The following WDFY2 variants were observed in gnomAD, a reference collection of about 807,000 sequenced individuals.
WDFY2 encodes WD repeat and FYVE domain-containing protein 2.
A neutral mutation model predicts 56.4 loss-of-function variants in WDFY2; 36 were observed. The observed-to-expected ratio is 0.64, with a 90% CI of 0.49 to 0.84. The LOEUF is 0.84. Ranked by LOEUF, WDFY2 falls within the 40% of genes least tolerant of loss-of-function variation. WDFY2 has a pLI of 0.00. For synonymous variants in WDFY2, 176 were observed against 183.7 expected, an observed-to-expected ratio of 0.96 and a Z score of 0.34; for missense variants, 444 against 512.2, an observed-to-expected ratio of 0.87 and a Z score of 1.29.
Position 51,767,083 on chromosome 13 carries a change from T to C in WDFY2, c.*7314T>C, listed in dbSNP as rs1431534913. 1.3e-5 allele frequency: 2 copies of C among 152,238 alleles called. No individual in the cohort carries two copies. The highest frequency in any genetic ancestry group is 4.8e-5 in the African/African-American group (2 of 41,464). The allele number at this position is 152,238 out of a possible 1,614,324, so 9.4% of individuals were successfully genotyped here. On this transcript the variant is annotated 3_prime_UTR_variant, in exon 12 of 12. Transcript: ENST00000298125. Reference sequence around the variant, plus strand: ...ACTTTTCCAGTGAGGAGAAATGACTTCGGGGCAAACACTGCCAGGGAAAGC... The same window carrying C: ...ACTTTTCCAGTGAGGAGAAATGACTCCGGGGCAAACACTGCCAGGGAAAGC...
chr13:51,670,759 A>G (rs575702528), intron 2 of WDFY2, among the ~76,000 whole-genome samples: 1 of 152,110 alleles, frequency 6.6e-6, no homozygotes, highest in African/African-American at 2.4e-5. Flanking sequence ...TTTTTGGGGA[A>G]CAGGTGGTGC....
chr13:51,759,380 T>C (rs1349685429), intron 11 of WDFY2, among the ~76,000 whole-genome samples: 1 of 152,238 alleles, frequency 6.6e-6, no homozygotes, highest in Admixed American at 6.5e-5. Context: ...GTCGCTTTCA[T>C]GTTGGCTCAT....
chr13:51,610,811 C>A (rs1022352015), intron 1 of WDFY2, among the ~76,000 whole-genome samples: 4 of 152,034 alleles, frequency 2.6e-5, no homozygotes, highest in Non-Finnish European at 4.4e-5. Flanking sequence ...TTAGTTCTGC[C>A]CTTTGCAAGT....
chr13:51,653,231 C>T (rs1955436870), intron 1 of WDFY2, among the ~76,000 whole-genome samples: 1 of 152,260 alleles, frequency 6.6e-6, no homozygotes, highest in South Asian at 2.1e-4. Context: ...TCACGTAGTT[C>T]TCGTGCCGTG....
intron 1 of WDFY2, among the ~76,000 whole-genome samples, chr13:51,617,948 A>C (rs1022553046): frequency 2.0e-5 from 3 of 152,172 alleles, no homozygotes; most frequent in African/African-American, 7.2e-5. Context: ...GTTTCTATTT[A>C]CTGTTAATTT....
At chr13:51,647,255 T>C (rs1320077686) in intron 1 of WDFY2, among the ~76,000 whole-genome samples, 2 of 152,198 alleles carry the variant, frequency 1.3e-5, no homozygotes, top group African/African-American at 4.8e-5. Flanking sequence ...GTTTAGTCAT[T>C]GTGTGATTGC....
intron 2 of WDFY2, among the ~76,000 whole-genome samples, chr13:51,670,191 G>A (rs543548471): frequency 6.6e-5 from 10 of 151,886 alleles, no homozygotes; most frequent in East Asian, 3.9e-4. Flanking sequence ...TTTGATATTT[G>A]TCTTGCATGG....
At chr13:51,703,515 T>C in intron 3 of WDFY2, 81 bp from the exon 4 acceptor site, 1 of 1,077,282 alleles carries the variant, frequency 9.3e-7, no homozygotes, top group Non-Finnish European at 1.4e-6. Context: ...GACAATTCGC[T>C]TTATTCAGTC....
In WDFY2 at chr13:51,764,121, T is replaced by C. The variant is rs550384222; in HGVS notation, c.*4352T>C. ...TTGGAAAACACAGAAATTAAGATCA[T>C]GTTGAACACTGAGTTATCTAGATGA... On this transcript the variant is annotated 3_prime_UTR_variant, in exon 12 of 12. Transcript: ENST00000298125. The C allele has an allele frequency of 1.3e-5, 2 of 152,352 alleles. No homozygotes were observed. Among genetic ancestry groups the C allele is most frequent in the African/African-American group, 4.8e-5 (2 of 41,584 alleles). The allele number at this position is 152,352 out of a possible 1,614,324, so 9.4% of individuals were successfully genotyped here.
intron 2 of WDFY2, among the ~76,000 whole-genome samples, chr13:51,670,309 G>T (rs534958861): frequency 6.6e-6 from 1 of 152,140 alleles, no homozygotes; most frequent in South Asian, 2.1e-4. Flanking sequence ...TTACTCCTCT[G>T]ATCCATAAAA....
At chr13:51,675,287 C>T (rs772208326) in intron 3 of WDFY2, 44 bp downstream of exon 3, 4 of 1,521,618 alleles carry the variant, frequency 2.6e-6, no homozygotes, top group East Asian at 4.5e-5. Flanking sequence ...TACTTCCCTT[C>T]CTGTGGAGTA....
At chr13:51,632,741 T>C (rs1954975523) in intron 1 of WDFY2, among the ~76,000 whole-genome samples, 1 of 152,226 alleles carries the variant, frequency 6.6e-6, no homozygotes, top group African/African-American at 2.4e-5. Flanking sequence ...AATTTTTAAA[T>C]GTACAAACTT....
intron 1 of WDFY2, among the ~76,000 whole-genome samples, chr13:51,602,810 A>G (rs1233088571): frequency 6.6e-6 from 1 of 152,196 alleles, no homozygotes; most frequent in Non-Finnish European, 1.5e-5. Context: ...GGTTAGGGGA[A>G]ATCCTTTGTA....
intron 4 of WDFY2, 107 bp from the exon 5 acceptor site, chr13:51,719,091 A>T: frequency 6.7e-7 from 1 of 1,489,992 alleles, no homozygotes; most frequent in Non-Finnish European, 9.2e-7. Context: ...TCTGCTGTTC[A>T]GCTTATTCTG....
intron 2 of WDFY2, among the ~76,000 whole-genome samples, chr13:51,666,930 A>G (rs773943278): frequency 3.9e-5 from 6 of 152,180 alleles, no homozygotes; most frequent in East Asian, 1.9e-4. Context: ...ATTGTTTCCA[A>G]TTGCAGTATT....
intron 7 of WDFY2, among the ~76,000 whole-genome samples, chr13:51,742,083 G>C (rs1229762056): frequency 6.6e-6 from 1 of 152,190 alleles, no homozygotes; most frequent in Non-Finnish European, 1.5e-5. Context: ...GGCCTCCCCA[G>C]GATAGGGAGA....
intron 1 of WDFY2, among the ~76,000 whole-genome samples, chr13:51,606,604 A>G (rs994281208): frequency 2.0e-5 from 3 of 152,204 alleles, no homozygotes; most frequent in Non-Finnish European, 4.4e-5. Context: ...TCAATGGAAT[A>G]TGAACAGCAA....
intron 3 of WDFY2, among the ~76,000 whole-genome samples, chr13:51,697,458 C>T (rs550420583): frequency 9.9e-5 from 15 of 152,038 alleles, no homozygotes; most frequent in African/African-American, 2.9e-4. Context: ...CGTGGTAAAA[C>T]GCCATCTCTA....
chr13:51,662,985 A>G, intron 2 of WDFY2, among the ~76,000 whole-genome samples: 1 of 152,216 alleles, frequency 6.6e-6, no homozygotes, highest in East Asian at 1.9e-4. Flanking sequence ...CTGCTCAATC[A>G]AAATCTGCAT....
Sources: gnomAD v4.1 joint callset for allele counts (sites outside exome capture counted in the v4.1 genomes callset) on GRCh38, gnomAD v4.1.1 for gene constraint, MANE v1.5 for transcripts, NCBI Gene and HGNC (gene_info 2026-07-23, HGNC 2026-07-21) for gene names.